APAF1: variants seen among roughly 807,000 people sequenced by gnomAD.
APAF1 encodes the protein apoptotic protease-activating factor 1.
APAF1 carries 91 observed loss-of-function variants against 152.4 expected under a neutral mutation model. The observed-to-expected ratio is 0.60, with a 90% CI of 0.50 to 0.71. The LOEUF is 0.71. Ranked by LOEUF, APAF1 falls within the 30% of genes least tolerant of loss-of-function variation. APAF1 has a pLI of 0.00. For missense variants in APAF1, 1,283 were observed against 1,472.0 expected (o/e 0.87, Z 2.10); for synonymous variants, 484 against 494.1 (o/e 0.98, Z 0.27).
At chr12:98,667,412 G>GGAGGCC in intron 9 of APAF1, 101 bp from the exon 10 acceptor site, 2 of 1,458,214 alleles carry the variant, frequency 1.4e-6, no homozygotes, top group Non-Finnish European at 1.9e-6. Flanking sequence ...CACCGAGCCC[G>GGAGGCC]GCCTCTCTGT....
At chr12:98,692,855 G>T (rs898103096) in intron 16 of APAF1, among the ~76,000 whole-genome samples, 1 of 152,184 alleles carries the variant, frequency 6.6e-6, no homozygotes, top group Non-Finnish European at 1.5e-5. Flanking sequence ...GAATATACAA[G>T]TGCATGTGTC....
intron 4 of APAF1, among the ~76,000 whole-genome samples, chr12:98,650,518 T>TA (rs2097647641): frequency 6.6e-6 from 1 of 151,522 alleles, no homozygotes. Context: ...TTTTTTTTGA[T>TA]ATGTATGTAT....
At chr12:98,694,672 T>G (rs1169917052) in intron 16 of APAF1, among the ~76,000 whole-genome samples, 1 of 152,140 alleles carries the variant, frequency 6.6e-6, no homozygotes, top group African/African-American at 2.4e-5. Flanking sequence ...AGGGTTTTTT[T>G]TGAAGTTTTC....
At chr12:98,709,791 G>A (rs1245501080) in intron 20 of APAF1, among the ~76,000 whole-genome samples, 1 of 152,206 alleles carries the variant, frequency 6.6e-6, no homozygotes, top group African/African-American at 2.4e-5. Flanking sequence ...ATGTGAACTG[G>A]TGGGACATTC....
At chr12:98,711,453 G>A (rs944999901) in intron 20 of APAF1, among the ~76,000 whole-genome samples, 1 of 152,094 alleles carries the variant, frequency 6.6e-6, no homozygotes, top group Non-Finnish European at 1.5e-5. Flanking sequence ...TCAGCTCTTC[G>A]TAGTTCAATT....
intron 10 of APAF1, 66 bp from the exon 11 acceptor site, chr12:98,670,906 AT>A: frequency 1.1e-6 from 1 of 874,816 alleles, no homozygotes; most frequent in Non-Finnish European, 2.0e-6. Context: ...TGTGAGGTTA[AT>A]GATGTTATAC....
chr12:98,700,548 A>G (rs983264383), intron 17 of APAF1, among the ~76,000 whole-genome samples: 4 of 152,206 alleles, frequency 2.6e-5, no homozygotes, highest in Admixed American at 1.3e-4. Context: ...GTTAAAATCT[A>G]TAAGAACAGA....
intron 4 of APAF1, among the ~76,000 whole-genome samples, chr12:98,654,816 CTTTTT>C (rs758991431): frequency 8.6e-6 from 1 of 116,800 alleles, no homozygotes; most frequent in African/African-American, 3.3e-5. Flanking sequence ...GTAGTATTTT[CTTTTT>C]TTTTTTTTTT....
chr12:98,666,938 G>T (rs2097673638), intron 9 of APAF1, among the ~76,000 whole-genome samples: 2 of 151,574 alleles, frequency 1.3e-5, no homozygotes, highest in Non-Finnish European at 2.9e-5. Context: ...CACCTGTCTT[G>T]GCCTCCCAAA....
chr12:98,672,514 C>T (rs905718955), intron 12 of APAF1, among the ~76,000 whole-genome samples: 1 of 151,522 alleles, frequency 6.6e-6, no homozygotes, highest in Admixed American at 6.6e-5. Context: ...TTTGCACTTT[C>T]CTTTGCACAT....
At chr12:98,679,237 A>G (rs561905476) in intron 13 of APAF1, among the ~76,000 whole-genome samples, 1 of 151,788 alleles carries the variant, frequency 6.6e-6, no homozygotes, top group East Asian at 2.0e-4. Flanking sequence ...GGAGCAACCC[A>G]CTCTAGTGCC....
chr12:98,706,446 T>C, intron 18 of APAF1, 39 bp from the exon 19 acceptor site: 1 of 1,612,636 alleles, frequency 6.2e-7, no homozygotes, highest in East Asian at 2.2e-5. Context: ...TCAAAATGCT[T>C]ATGTATGTGA....
chr12:98,653,770 CTT>C (rs1217925041), intron 4 of APAF1, among the ~76,000 whole-genome samples: 1 of 121,650 alleles, frequency 8.2e-6, no homozygotes, highest in Non-Finnish European at 1.6e-5. Context: ...ACCCAGTTGT[CTT>C]TTGAAATTTC....
rs551491376 is a variant in APAF1, at chr12:98,680,901, T to C, written c.2046+499T>C. Among the ~76,000 whole-genome samples, 14 of 152,330 alleles carry C rather than the reference T, an allele frequency of 9.2e-5. No homozygotes were observed. The East Asian group carries it at 2.7e-3, about 29-fold the overall frequency. ...GATTAGGAGTGTTGCTGCACAAACT[T>C]GGGGATTCCTGTTGTAAGATACAAT... On this transcript the variant is annotated intron_variant, in intron 14 of 26. Coordinates refer to ENST00000551964, the MANE Select transcript of APAF1 (RefSeq NM_181861.2).
At chr12:98,689,816 C>T (rs2097702317) in intron 16 of APAF1, among the ~76,000 whole-genome samples, 1 of 152,132 alleles carries the variant, frequency 6.6e-6, no homozygotes, top group Admixed American at 6.5e-5. Flanking sequence ...GTTCTGAGTA[C>T]ATATATCTAT....
At chr12:98,676,275 T>A (rs896572557) in intron 12 of APAF1, among the ~76,000 whole-genome samples, 1 of 152,098 alleles carries the variant, frequency 6.6e-6, no homozygotes, top group African/African-American at 2.4e-5. Flanking sequence ...AGTGGTATGA[T>A]CTTGGCTCAC....
chr12:98,675,013 T>C (rs901762793), intron 12 of APAF1, among the ~76,000 whole-genome samples: 18 of 152,332 alleles, frequency 1.2e-4, no homozygotes, highest in African/African-American at 4.3e-4. Flanking sequence ...CTCTTATGAA[T>C]TGTTGAGTTT....
intron 9 of APAF1, 54 bp from the exon 10 acceptor site, chr12:98,667,459 A>T: frequency 6.3e-7 from 1 of 1,599,738 alleles, no homozygotes; most frequent in Non-Finnish European, 8.5e-7. Context: ...AGTTACTGTG[A>T]TGCTTAGGTT....
intron 18 of APAF1, among the ~76,000 whole-genome samples, chr12:98,705,557 A>G (rs1222072567): frequency 6.6e-6 from 1 of 152,228 alleles, no homozygotes; most frequent in Non-Finnish European, 1.5e-5. Context: ...GCTAGTTCTG[A>G]AATGATAAAG....
Sources: allele counts gnomAD v4.1 joint callset (sites outside exome capture counted in the v4.1 genomes callset), GRCh38; gene constraint gnomAD v4.1.1; transcripts MANE v1.5; gene names NCBI Gene and HGNC (gene_info 2026-07-23, HGNC 2026-07-21).